Variants in ATP10D observed in about 807,000 individuals in gnomAD.
ATP10D encodes the protein phospholipid-transporting ATPase VD.
In ATP10D, 89 loss-of-function variants were observed where a neutral mutation model predicts 144.8. That is an observed-to-expected ratio of 0.61 (90% CI 0.52 to 0.73). The LOEUF (loss-of-function observed/expected upper bound fraction) is 0.73, where lower values mean the gene tolerates loss of function less well. Ranked by LOEUF, ATP10D falls within the 30% of genes least tolerant of loss-of-function variation. The pLI is 0.00. For missense variants in ATP10D, 1,603 were observed against 1,714.8 expected (o/e 0.93, Z 1.15); for synonymous variants, 571 against 615.1 (o/e 0.93, Z 1.06).
intron 4 of ATP10D, among the ~76,000 whole-genome samples, chr4:47,524,754 T>C (rs1717148015): frequency 6.6e-6 from 1 of 152,220 alleles, no homozygotes; most frequent in African/African-American, 2.4e-5. Flanking sequence ...CATGGAGTTG[T>C]GAAGAAGAAA....
Position 47,591,262 on chromosome 4 carries a change from G to C in ATP10D, c.4162G>C (p.Ala1388Pro), listed in dbSNP as rs1014782037. 6.2e-7 allele frequency: 1 copy of C among 1,613,590 alleles called. No homozygotes were observed. Residue 1388 changes from alanine (A) to proline (P), a missense_variant, in exon 23 of 23, where the codon GCA becomes CCA. Physicochemically the swap from Ala to Pro is conservative, Grantham distance 27. Transcript: ENST00000273859. Reference protein sequence around the residue: ...GPSAVFAMKSASSCAIEQGNL... With the variant: ...GPSAVFAMKSPSSCAIEQGNL... ...TTCTGCTGTATTTGCAATGAAGTCA[G>C]CAAGTTCCTGTGCTATTGAGCAAGG...
At chr4:47,534,813 A>G (rs1012921982) in intron 5 of ATP10D, among the ~76,000 whole-genome samples, 3 of 152,188 alleles carry the variant, frequency 2.0e-5, no homozygotes, top group African/African-American at 7.2e-5. Context: ...TTGTCAAACA[A>G]TGACTACCAT....
chr4:47,572,231 G>A lies in ATP10D; in HGVS notation c.3240+1G>A, dbSNP rs750891566. On this transcript the variant is annotated splice_donor_variant, in intron 17 of 22. Coordinates refer to ENST00000273859, the MANE Select transcript of ATP10D (RefSeq NM_020453.4). LOFTEE classifies it high-confidence loss of function. ...GGTCTCAGGTCAAGAAGGCATGCAG[G>A]TGAGTGGATATTGTGCACCCAAGTT... 4 of 1,613,754 alleles carry A rather than the reference G, an allele frequency of 2.5e-6. No homozygotes were observed. The highest frequency in any genetic ancestry group is 4.5e-5 in the East Asian group (2 of 44,878).
intron 17 of ATP10D, among the ~76,000 whole-genome samples, 188 bp from the exon 18 acceptor site, chr4:47,572,684 A>G (rs1422281009): frequency 8.9e-6 from 1 of 112,790 alleles, no homozygotes; most frequent in African/African-American, 3.3e-5. Context: ...TGTGTGTTGG[A>G]TGGTATTTTA....
intron 15 of ATP10D, among the ~76,000 whole-genome samples, chr4:47,567,985 A>T (rs1159241759): frequency 6.6e-6 from 1 of 152,240 alleles, no homozygotes; most frequent in African/African-American, 2.4e-5. Context: ...ATTTGTTCTT[A>T]GTGATCACTT....
At chr4:47,559,514 ATTATTCT>A (rs1719179554) in intron 13 of ATP10D, among the ~76,000 whole-genome samples, 1 of 152,210 alleles carries the variant, frequency 6.6e-6, no homozygotes, top group African/African-American at 2.4e-5. Flanking sequence ...CTCAGTATTG[ATTATTCT>A]TTATTGAGAA....
At chr4:47,527,688 A>G (rs1173587179) in intron 5 of ATP10D, among the ~76,000 whole-genome samples, 1 of 152,186 alleles carries the variant, frequency 6.6e-6, no homozygotes, top group African/African-American at 2.4e-5. Flanking sequence ...GAAAAGATGC[A>G]GGTTAAACCA....
chr4:47,583,244 A>G (rs186041957), intron 21 of ATP10D: 1 of 152,344 alleles, frequency 6.6e-6, no homozygotes, highest in African/African-American at 2.4e-5. Flanking sequence ...ACCACTGTAT[A>G]CCAGTGTTAA....
At chr4:47,487,599 G>A (rs1374268322) in intron 1 of ATP10D, among the ~76,000 whole-genome samples, 1 of 152,180 alleles carries the variant, frequency 6.6e-6, no homozygotes, top group East Asian at 1.9e-4. Flanking sequence ...ATAAATATAT[G>A]TGTGCTGGAT....
Position 47,545,225 on chromosome 4 carries a change from G to C in ATP10D, c.1397-1399G>C, listed in dbSNP as rs1441192217. Among the ~76,000 whole-genome samples, 3 of 152,342 alleles carry C rather than the reference G, an allele frequency of 2.0e-5. No individual in the cohort carries two copies. In the East Asian group the frequency reaches 5.8e-4, roughly 29 times the overall value. On this transcript the variant is annotated intron_variant, in intron 9 of 22. Coordinates refer to ENST00000273859, the MANE Select transcript of ATP10D (RefSeq NM_020453.4). ...TTTTCAAAGTAAAGAAAGAAGGCCAGTGAGTCTGGATTTTAGTGGGCATGT... is the reference window on the plus strand; with the variant it reads ...TTTTCAAAGTAAAGAAAGAAGGCCACTGAGTCTGGATTTTAGTGGGCATGT...
At chr4:47,532,421 A>G (rs1246233173) in intron 5 of ATP10D, among the ~76,000 whole-genome samples, 3 of 152,122 alleles carry the variant, frequency 2.0e-5, no homozygotes, top group African/African-American at 7.2e-5. Context: ...TCATGACCTG[A>G]CTGCCAAAGT....
intron 22 of ATP10D, 51 bp from the exon 23 acceptor site, chr4:47,590,991 T>A (rs1316781): frequency 8.2e-7 from 1 of 1,216,798 alleles, no homozygotes; most frequent in Non-Finnish European, 1.1e-6. Context: ...GGGGGGGTTC[T>A]GTAATGCATT....
Position 47,576,814 on chromosome 4 carries a change from A to G in ATP10D, c.3408A>G (p.Gly1136=). Reference sequence around the variant, plus strand: ...TTTTCTGGTACCAGTTCTTTTGTGGATTTTCAGGAACATCCATGACTGATT... The same window carrying G: ...TTTTCTGGTACCAGTTCTTTTGTGGGTTTTCAGGAACATCCATGACTGATT... ...NLLFWYQFFC[G]FSGTSMTDYW... Residue 1136 remains glycine (G), a synonymous_variant, in exon 19 of 23, where the codon GGA becomes GGG. Coordinates refer to ENST00000273859, the MANE Select transcript of ATP10D (RefSeq NM_020453.4). 1 of 1,613,958 alleles carries G rather than the reference A, an allele frequency of 6.2e-7. No individual in the cohort carries two copies. Among genetic ancestry groups the G allele is most frequent in the East Asian group, 2.2e-5 (1 of 44,862 alleles).
At chr4:47,523,995 C>G (rs1394395226) in intron 4 of ATP10D, among the ~76,000 whole-genome samples, 1 of 152,156 alleles carries the variant, frequency 6.6e-6, no homozygotes, top group Admixed American at 6.5e-5. Context: ...GGCGCAATCT[C>G]TGCTCACTGC....
rs1481998784 is a variant in ATP10D at position 47,563,579 on chromosome 4, A to C, written c.2669-2A>C. 6.3e-7 allele frequency: 1 copy of C among 1,594,480 alleles called. No individual in the cohort carries two copies. The highest frequency in any genetic ancestry group is 2.2e-5 in the East Asian group (1 of 44,702). ...TCCTATTGCACTTTGGTTATTTTTT[A>C]GGTGCTACTGGCATTGAAGACCGTC... On this transcript the variant is annotated splice_acceptor_variant, in intron 14 of 22. Transcript: ENST00000273859. LOFTEE classifies it high-confidence loss of function.
At chr4:47,554,642 G>T in intron 10 of ATP10D, 84 bp from the exon 11 acceptor site, 1 of 1,083,786 alleles carries the variant, frequency 9.2e-7, no homozygotes, top group Non-Finnish European at 1.3e-6. Flanking sequence ...TTAGATCCTG[G>T]CTATACAAGT....
At chr4:47,586,570 C>T (rs1195883186) in intron 21 of ATP10D, among the ~76,000 whole-genome samples, 1 of 152,144 alleles carries the variant, frequency 6.6e-6, no homozygotes, top group Admixed American at 6.5e-5. Flanking sequence ...AAATGTGATC[C>T]ACCTGAATGC....
intron 16 of ATP10D, 69 bp from the exon 17 acceptor site, chr4:47,572,085 T>A (rs190193139): frequency 3.6e-6 from 5 of 1,399,766 alleles, no homozygotes; most frequent in Non-Finnish European, 5.1e-6. Context: ...CTGCCCCTAT[T>A]GATTTGCAAC....
At chr4:47,549,518 T>G (rs1718615503) in intron 10 of ATP10D, among the ~76,000 whole-genome samples, 1 of 152,354 alleles carries the variant, frequency 6.6e-6, no homozygotes, top group East Asian at 1.9e-4. Context: ...AATAAATATT[T>G]ATGGGATAAT....
Sources: gnomAD v4.1 joint callset for allele counts (sites outside exome capture counted in the v4.1 genomes callset) on GRCh38, gnomAD v4.1.1 for gene constraint, MANE v1.5 for transcripts, NCBI Gene and HGNC (gene_info 2026-07-23, HGNC 2026-07-21) for gene names.